The following PARD3B variants were observed in gnomAD, a reference collection of about 807,000 sequenced individuals.
PARD3B encodes par-3 family cell polarity regulator beta, also known as partitioning defective 3 homolog B.
A neutral mutation model predicts 130.2 loss-of-function variants in PARD3B; 103 were observed. The observed-to-expected ratio is 0.79, with a 90% CI of 0.67 to 0.93. The LOEUF is 0.93. PARD3B is among the 40% of genes least tolerant of loss of function. The pLI is 0.00. For missense variants in PARD3B, 1,609 were observed against 1,499.2 expected (o/e 1.07, Z -1.21); for synonymous variants, 583 against 553.2 (o/e 1.05, Z -0.76).
chr2:204,829,914 G>C (rs568574476), intron 2 of PARD3B, among the ~76,000 whole-genome samples: 9 of 150,912 alleles, frequency 6.0e-5, no homozygotes, highest in Non-Finnish European at 1.3e-4. Flanking sequence ...CAGGAGAATG[G>C]CGTGAACCCG....
chr2:205,355,198 A>G (rs528690481), intron 18 of PARD3B, among the ~76,000 whole-genome samples: 7 of 152,244 alleles, frequency 4.6e-5, no homozygotes, highest in East Asian at 3.9e-4. Flanking sequence ...AACAGTCCCA[A>G]TGTTTTCATT....
intron 1 of PARD3B, among the ~76,000 whole-genome samples, chr2:204,624,920 G>T (rs939632096): frequency 6.6e-6 from 1 of 151,930 alleles, no homozygotes; most frequent in African/African-American, 2.4e-5. Flanking sequence ...TTAATTCTTC[G>T]GTCATTCTAA....
At chr2:205,388,582 T>C (rs932200166) in intron 18 of PARD3B, among the ~76,000 whole-genome samples, 3 of 152,238 alleles carry the variant, frequency 2.0e-5, no homozygotes, top group African/African-American at 7.2e-5. Flanking sequence ...GAAAACCCTG[T>C]TAGAAATCAA....
At chr2:205,227,186 A>G (rs1030888192) in intron 15 of PARD3B, among the ~76,000 whole-genome samples, 11 of 152,228 alleles carry the variant, frequency 7.2e-5, no homozygotes, top group African/African-American at 1.7e-4. Context: ...ATGAACATCT[A>G]TTTAGTCCAT....
At chr2:205,500,158 G>A (rs1302632480) in intron 21 of PARD3B, 127 bp downstream of exon 21, 7 of 1,101,696 alleles carry the variant, frequency 6.4e-6, no homozygotes, top group Non-Finnish European at 8.9e-6. Context: ...TCATAGACAG[G>A]AACATTACCC....
At chr2:205,148,301 T>C (rs2033511836) in intron 10 of PARD3B, among the ~76,000 whole-genome samples, 1 of 152,164 alleles carries the variant, frequency 6.6e-6, no homozygotes, top group African/African-American at 2.4e-5. Flanking sequence ...AAAATGATCC[T>C]CCTTAGATCA....
At chr2:205,181,969 C>A (rs886930561) in intron 13 of PARD3B, among the ~76,000 whole-genome samples, 1 of 152,166 alleles carries the variant, frequency 6.6e-6, no homozygotes, top group African/African-American at 2.4e-5. Context: ...AATAAAAATT[C>A]CTTACAGCAT....
intron 10 of PARD3B, among the ~76,000 whole-genome samples, chr2:205,156,309 G>T (rs1324856754): frequency 6.6e-6 from 1 of 150,670 alleles, no homozygotes. Flanking sequence ...TATACCTAAT[G>T]CTAAATGACG....
intron 4 of PARD3B, among the ~76,000 whole-genome samples, chr2:205,060,620 A>C (rs898718424): frequency 6.6e-6 from 1 of 152,120 alleles, no homozygotes; most frequent in African/African-American, 2.4e-5. Context: ...AATGCCTTCT[A>C]TCTTGAGTAC....
At chr2:205,175,565 T>A (rs2035420689) in intron 12 of PARD3B, among the ~76,000 whole-genome samples, 1 of 152,240 alleles carries the variant, frequency 6.6e-6, no homozygotes, top group East Asian at 1.9e-4. Context: ...TCAGAAGAGC[T>A]CTGGGAATCA....
chr2:205,398,716 C>T (rs770926325), intron 18 of PARD3B, among the ~76,000 whole-genome samples: 10 of 152,144 alleles, frequency 6.6e-5, no homozygotes, highest in African/African-American at 1.4e-4. Flanking sequence ...CTCAGAGCTC[C>T]GACTTGACTA....
intron 20 of PARD3B, among the ~76,000 whole-genome samples, chr2:205,485,548 TA>T (rs1308842123): frequency 1.3e-5 from 2 of 152,154 alleles, no homozygotes; most frequent in African/African-American, 4.8e-5. Flanking sequence ...TAGGTTGTGA[TA>T]TATGGGGTTA....
intron 14 of PARD3B, among the ~76,000 whole-genome samples, chr2:205,189,229 G>A (rs143597119): frequency 6.6e-6 from 1 of 152,132 alleles, no homozygotes; most frequent in African/African-American, 2.4e-5. Context: ...AAGTCCATCT[G>A]TGGACACCTG....
intron 21 of PARD3B, among the ~76,000 whole-genome samples, chr2:205,539,353 C>T (rs999578406): frequency 5.9e-5 from 9 of 152,134 alleles, no homozygotes; most frequent in African/African-American, 2.2e-4. Context: ...TAGTATCTGA[C>T]AATATATCAC....
At chr2:205,607,063 C>T (rs1333376489) in intron 22 of PARD3B, among the ~76,000 whole-genome samples, 1 of 152,230 alleles carries the variant, frequency 6.6e-6, no homozygotes, top group Non-Finnish European at 1.5e-5. Context: ...CAAACGGAAC[C>T]GCACAAATAT....
Position 204,996,936 on chromosome 2 carries a change from G to A in PARD3B, c.394+31613G>A, listed in dbSNP as rs142430271. Among the ~76,000 whole-genome samples, 128 of 151,872 alleles carry A rather than the reference G, an allele frequency of 8.4e-4. 4 individuals carry two copies. In the East Asian group the frequency reaches 0.02, roughly 24 times the overall value. ...GTGAGGCAATGCCTCGCCCTGCTTCGGCTCGCACATGGTGCGCGCACACAC... is the reference window on the plus strand; with the variant it reads ...GTGAGGCAATGCCTCGCCCTGCTTCAGCTCGCACATGGTGCGCGCACACAC... On this transcript the variant is annotated intron_variant, in intron 3 of 22. Coordinates refer to ENST00000406610, the MANE Select transcript of PARD3B (RefSeq NM_001302769.2).
At chr2:205,547,868 G>T (rs1267761519) in intron 21 of PARD3B, among the ~76,000 whole-genome samples, 1 of 152,090 alleles carries the variant, frequency 6.6e-6, no homozygotes, top group Non-Finnish European at 1.5e-5. Flanking sequence ...TACATTGGCT[G>T]CAAGGGAATC....
intron 19 of PARD3B, among the ~76,000 whole-genome samples, chr2:205,433,133 TA>T (rs2047393989): frequency 6.6e-6 from 1 of 152,218 alleles, no homozygotes; most frequent in African/African-American, 2.4e-5. Context: ...AAAAGAGAAT[TA>T]TATATAACTC....
chr2:205,462,464 G>A (rs1348195644), intron 20 of PARD3B, among the ~76,000 whole-genome samples: 1 of 152,112 alleles, frequency 6.6e-6, no homozygotes, highest in African/African-American at 2.4e-5. Flanking sequence ...CTGAAATGAG[G>A]CTCTTAACCA....
Sources: allele counts gnomAD v4.1 joint callset (sites outside exome capture counted in the v4.1 genomes callset), GRCh38; gene constraint gnomAD v4.1.1; transcripts MANE v1.5; gene names NCBI Gene and HGNC (gene_info 2026-07-23, HGNC 2026-07-21).